FAM133A: variants seen among roughly 807,000 people sequenced by gnomAD.
FAM133A encodes family with sequence similarity 133 member A.
For missense variants in FAM133A, 159 were observed against 164.4 expected (o/e 0.97, Z 0.18); for synonymous variants, 65 against 58.6 (o/e 1.11, Z -0.50).
chrX:93,694,788 C>G (rs1926117113), intron 2 of FAM133A, among the ~76,000 whole-genome samples: 1 of 110,740 alleles, frequency 9.0e-6, no homozygotes, highest in Admixed American at 9.6e-5. Flanking sequence ...AATCTACTGA[C>G]TCTCTTTTTA....
chrX:93,677,245 C>T (rs975907302), intron 2 of FAM133A, among the ~76,000 whole-genome samples: 1 of 110,358 alleles, frequency 9.1e-6, no homozygotes, highest in Non-Finnish European at 1.9e-5. Flanking sequence ...AGTACATTAA[C>T]ATCTGTTGAT....
At chrX:93,699,923 G>T (rs1310182570) in intron 3 of FAM133A, among the ~76,000 whole-genome samples, 4 of 110,521 alleles carry the variant, frequency 3.6e-5, no homozygotes, top group Non-Finnish European at 3.8e-5. Flanking sequence ...TATACCATGA[G>T]AATTATTTAT....
At chrX:93,684,923 G>A (rs954352013) in intron 2 of FAM133A, among the ~76,000 whole-genome samples, 1 of 111,676 alleles carries the variant, frequency 9.0e-6, no homozygotes, top group African/African-American at 3.3e-5. Context: ...ACTCATACTG[G>A]CTGCTCTGAG....
At chrX:93,689,014 G>C (rs1361109736) in intron 2 of FAM133A, among the ~76,000 whole-genome samples, 8 of 107,648 alleles carry the variant, frequency 7.4e-5, no homozygotes, top group Admixed American at 2.0e-4. Context: ...GAATACAAGG[G>C]TTATAAATTT....
At chrX:93,684,715 C>A (rs186778452) in intron 2 of FAM133A, among the ~76,000 whole-genome samples, 2 of 111,721 alleles carry the variant, frequency 1.8e-5, no homozygotes, top group East Asian at 5.6e-4. Flanking sequence ...TTTGTATTTT[C>A]TATTCTGAAT....
chrX:93,681,188 G>A (rs5940320), intron 2 of FAM133A, among the ~76,000 whole-genome samples: 47,748 of 108,981 alleles, frequency 0.44, 8,083 homozygotes, highest in Admixed American at 0.54. Context: ...AAAATCCAAA[G>A]ACTTTGAAAA....
intron 2 of FAM133A, among the ~76,000 whole-genome samples, chrX:93,680,729 G>A (rs138805947): frequency 9.0e-6 from 1 of 111,242 alleles, no homozygotes; most frequent in Non-Finnish European, 1.9e-5. Flanking sequence ...ACCTATTGGC[G>A]ATTTGTATGC....
rs769947198 is a variant in FAM133A, at chrX:93,710,428, C to CA, written c.*270dup. 2.8e-4 allele frequency: 76 copies of CA among 268,644 alleles called. No homozygotes were observed. Among genetic ancestry groups the CA allele is most frequent in the East Asian group, 1.2e-3 (21 of 16,981 alleles). 22.1% of individuals were successfully genotyped at this position (268,644 alleles called of 1,213,427 possible). ...TGTGTTAGATAATGAATAACTTTGA[C>CA]AAAAAAAAGTGTATCTAAGGTTAAA... On this transcript the variant is annotated 3_prime_UTR_variant, in exon 4 of 4. Coordinates refer to ENST00000683942, the MANE Select transcript of FAM133A (RefSeq NM_001171109.2).
chrX:93,703,260 G>A (rs1926840501), intron 3 of FAM133A, among the ~76,000 whole-genome samples: 1 of 111,299 alleles, frequency 9.0e-6, no homozygotes, highest in African/African-American at 3.3e-5. Flanking sequence ...AGACAGTCAC[G>A]GTCATCAAAA....
At chrX:93,673,771 T>G (rs2147562979), upstream of FAM133A, among the ~76,000 whole-genome samples, 1 of 109,039 alleles carries the variant, frequency 9.2e-6, no homozygotes, top group African/African-American at 3.3e-5. Context: ...CAGACGCCGC[T>G]CGCTGGCTGA....
chrX:93,676,265 G>A (rs1454087643), intron 2 of FAM133A, among the ~76,000 whole-genome samples: 2 of 110,603 alleles, frequency 1.8e-5, no homozygotes, highest in African/African-American at 3.3e-5. Flanking sequence ...ATAAAGTCAG[G>A]CAATACATTG....
Position 93,712,188 on chromosome X carries a change from T to C in FAM133A, c.*2022T>C, listed in dbSNP as rs1047467461. ...CAACCTGGGTCCTTAGGTCGCTGTT[T>C]AGAAGGGACCTGACTGGAGTGCTGA... On this transcript the variant is annotated 3_prime_UTR_variant, in exon 4 of 4. Transcript: ENST00000683942. The C allele has an allele frequency of 3.2e-5, 4 of 123,457 alleles. No homozygotes were observed. Among genetic ancestry groups the C allele is most frequent in the African/African-American group, 1.3e-4 (4 of 30,830 alleles). 10.2% of individuals were successfully genotyped at this position (123,457 alleles called of 1,213,427 possible). A position where few individuals can be genotyped will look rare whatever the true frequency, so the allele number is the denominator to read the frequency against.
rs767762888 is a variant in FAM133A, at chrX:93,692,121, G to A, written c.-192-6276G>A. ...ATGTTTCAGATTTTGGATTTTTTTG[G>A]ATTTTGAAGTATTTGCATTATACTT... is the stretch of plus-strand genomic sequence containing the variant. On this transcript the variant is annotated intron_variant, in intron 2 of 3. Transcript: ENST00000683942. Among the ~76,000 whole-genome samples, 3 of 111,249 alleles carry A rather than the reference G, an allele frequency of 2.7e-5. No individual in the cohort carries two copies. The East Asian group carries it at 8.5e-4, about 31-fold the overall frequency.
At chrX:93,679,630 C>A (rs1924964536) in intron 2 of FAM133A, among the ~76,000 whole-genome samples, 1 of 110,552 alleles carries the variant, frequency 9.0e-6, no homozygotes, top group African/African-American at 3.3e-5. Context: ...TATATGTATA[C>A]ATTGTTGAAT....
At chrX:93,709,048 A>G (rs1290943756) in intron 3 of FAM133A, among the ~76,000 whole-genome samples, 1 of 111,944 alleles carries the variant, frequency 8.9e-6, no homozygotes, top group African/African-American at 3.2e-5. Flanking sequence ...GTATCATACA[A>G]TGTAAGAGAA....
intron 2 of FAM133A, among the ~76,000 whole-genome samples, chrX:93,680,545 C>G (rs1925066517): frequency 9.0e-6 from 1 of 111,310 alleles, no homozygotes; most frequent in South Asian, 3.8e-4. Flanking sequence ...AATGGCTATA[C>G]TAATCCACAT....
intron 3 of FAM133A, 112 bp from the exon 4 acceptor site, chrX:93,709,205 T>G: frequency 2.7e-6 from 1 of 364,297 alleles, no homozygotes; most frequent in Non-Finnish European, 4.3e-6. Flanking sequence ...GTATAAGATT[T>G]TGGAAATTTC....
intron 3 of FAM133A, among the ~76,000 whole-genome samples, chrX:93,703,396 G>C (rs1380648046): frequency 1.8e-5 from 2 of 110,546 alleles, no homozygotes; most frequent in Non-Finnish European, 3.8e-5. Flanking sequence ...TTTGAATAAA[G>C]AATGGACATT....
At chrX:93,697,966 G>A (rs1926417813) in intron 2 of FAM133A, among the ~76,000 whole-genome samples, 1 of 110,996 alleles carries the variant, frequency 9.0e-6, no homozygotes, top group Non-Finnish European at 1.9e-5. Context: ...TAGGTTTAAA[G>A]CACTATTGAA....
Sources: gnomAD v4.1 joint callset for allele counts (sites outside exome capture counted in the v4.1 genomes callset) on GRCh38, gnomAD v4.1.1 for gene constraint, MANE v1.5 for transcripts, NCBI Gene and HGNC (gene_info 2026-07-23, HGNC 2026-07-21) for gene names.